Variants in SLC24A2 observed in about 807,000 individuals in gnomAD.
The protein encoded by SLC24A2 is solute carrier family 24 member 2, also known as sodium/potassium/calcium exchanger 2.
In SLC24A2, 36 loss-of-function variants were observed where a neutral mutation model predicts 62.0. That is an observed-to-expected ratio of 0.58 (90% CI 0.44 to 0.77). The LOEUF is 0.77. SLC24A2 is among the 30% of genes least tolerant of loss of function. The pLI, the probability that SLC24A2 is intolerant of heterozygous loss-of-function variation, is 0.00. For missense variants in SLC24A2, 846 were observed against 817.9 expected, an observed-to-expected ratio of 1.03 and a Z score of -0.42; for synonymous variants, 358 against 294.0, an observed-to-expected ratio of 1.22 and a Z score of -2.23.
In SLC24A2 at chr9:19,597,294, T is replaced by C. The variant is rs767923432; in HGVS notation, c.1079-15A>G. 12 of 1,517,374 alleles carry C rather than the reference T, an allele frequency of 7.9e-6. No individual in the cohort carries two copies. Among genetic ancestry groups the C allele is most frequent in the Non-Finnish European group, 1.1e-5 (12 of 1,092,128 alleles). 94.0% of individuals were successfully genotyped at this position (1,517,374 alleles called of 1,614,324 possible). On this transcript the variant is annotated splice_polypyrimidine_tract_variant and intron_variant, in intron 4 of 10. Transcript: ENST00000341998. ...TGATCCAAGTTCTACAACATCACAG[T>C]AAAAGACACAAAGATAAGGAACGAG...
chr9:20,202,084 T>TGA, the SLC24A2 span, among the ~76,000 whole-genome samples: 1 of 150,614 alleles, frequency 6.6e-6, no homozygotes, highest in Non-Finnish European at 1.5e-5. Context: ...TGTGTGTGTG[T>TGA]GTGTGTGTGT....
chr9:19,873,261 T>G, the SLC24A2 span, among the ~76,000 whole-genome samples: 2 of 151,940 alleles, frequency 1.3e-5, no homozygotes. Context: ...TTTCTTCTTT[T>G]TCTTTCTTTT....
intron 2 of SLC24A2, among the ~76,000 whole-genome samples, chr9:19,687,650 G>A (rs983626521): frequency 6.6e-5 from 10 of 151,996 alleles, no homozygotes; most frequent in African/African-American, 1.2e-4. Flanking sequence ...TCCTGTTTGG[G>A]GTTTTACCTT....
At chr9:20,125,800 C>T in the SLC24A2 span, among the ~76,000 whole-genome samples, 1 of 152,160 alleles carries the variant, frequency 6.6e-6, no homozygotes. Flanking sequence ...AAAGCTCCCT[C>T]CATGGGTGTG....
intron 2 of SLC24A2, among the ~76,000 whole-genome samples, chr9:19,715,407 A>C (rs2118619582): frequency 6.6e-6 from 1 of 152,298 alleles, no homozygotes; most frequent in Admixed American, 6.5e-5. Flanking sequence ...CTCAAGTAGG[A>C]CTCAGGTTTG....
intron 4 of SLC24A2, among the ~76,000 whole-genome samples, chr9:19,618,800 A>G (rs1423269206): frequency 6.6e-6 from 1 of 152,186 alleles, no homozygotes; most frequent in East Asian, 1.9e-4. Context: ...ATGAAGGGAG[A>G]ACATACTTGG....
intron 2 of SLC24A2, among the ~76,000 whole-genome samples, chr9:19,673,494 G>T (rs955317637): frequency 4.0e-5 from 6 of 151,892 alleles, no homozygotes; most frequent in Admixed American, 2.0e-4. Context: ...TGTCCTTCAG[G>T]CTGGAGTGCA....
At chr9:19,837,779 C>G in the SLC24A2 span, among the ~76,000 whole-genome samples, 16 of 152,018 alleles carry the variant, frequency 1.1e-4, no homozygotes, top group Middle Eastern at 3.4e-3. Flanking sequence ...CAATAACAGA[C>G]AAACAGAGAG....
the SLC24A2 span, among the ~76,000 whole-genome samples, chr9:20,051,453 G>A: frequency 6.6e-6 from 1 of 151,820 alleles, no homozygotes; most frequent in Non-Finnish European, 1.5e-5. Context: ...ATATCAGCAT[G>A]GATAGATAAG....
the SLC24A2 span, among the ~76,000 whole-genome samples, chr9:20,229,453 C>G: frequency 6.6e-6 from 1 of 152,152 alleles, no homozygotes; most frequent in Admixed American, 6.5e-5. Flanking sequence ...TGTGTACAAG[C>G]TTTTACTTGT....
At chr9:19,878,109 A>G in the SLC24A2 span, among the ~76,000 whole-genome samples, 7 of 152,188 alleles carry the variant, frequency 4.6e-5, no homozygotes, top group African/African-American at 1.4e-4. Flanking sequence ...TCAAGGGACA[A>G]CAACACCTAC....
intron 7 of SLC24A2, among the ~76,000 whole-genome samples, chr9:19,556,196 GCAT>G (rs1835079397): frequency 6.6e-6 from 1 of 152,174 alleles, no homozygotes; most frequent in African/African-American, 2.4e-5. Context: ...GATGCTCATA[GCAT>G]CATGATAATC....
the SLC24A2 span, among the ~76,000 whole-genome samples, chr9:20,100,204 G>GT: frequency 4.5e-4 from 68 of 151,324 alleles, no homozygotes; most frequent in East Asian, 1.4e-3. Context: ...GTTTTTGTTT[G>GT]TTTTTTTTGT....
At chr9:20,024,736 G>C in the SLC24A2 span, among the ~76,000 whole-genome samples, 3 of 152,116 alleles carry the variant, frequency 2.0e-5, no homozygotes, top group Non-Finnish European at 4.4e-5. Flanking sequence ...ACTGATTTTA[G>C]TTACTACAAA....
the SLC24A2 span, among the ~76,000 whole-genome samples, chr9:20,216,244 A>G: frequency 1.3e-5 from 2 of 152,218 alleles, no homozygotes; most frequent in South Asian, 2.1e-4. Flanking sequence ...TGTGTGCTGC[A>G]TTAGAGAAAT....
At chr9:19,663,348 G>A (rs1008273267) in intron 2 of SLC24A2, among the ~76,000 whole-genome samples, 5 of 152,154 alleles carry the variant, frequency 3.3e-5, no homozygotes, top group South Asian at 4.1e-4. Context: ...GAAGCCTTCC[G>A]ATCGCTTCAA....
At chr9:20,087,502 C>T in the SLC24A2 span, among the ~76,000 whole-genome samples, 1 of 152,132 alleles carries the variant, frequency 6.6e-6, no homozygotes, top group Non-Finnish European at 1.5e-5. Flanking sequence ...AATCTGCTCT[C>T]AAAGTATAGA....
chr9:19,561,075 G>GTA (rs1397673114), intron 7 of SLC24A2, among the ~76,000 whole-genome samples: 1 of 151,366 alleles, frequency 6.6e-6, no homozygotes, highest in East Asian at 2.0e-4. Flanking sequence ...ACAGGTGCCA[G>GTA]CCACCACACC....
intron 2 of SLC24A2, among the ~76,000 whole-genome samples, chr9:19,782,110 C>A (rs1318218670): frequency 6.6e-6 from 1 of 152,208 alleles, no homozygotes; most frequent in Non-Finnish European, 1.5e-5. Flanking sequence ...ACCAGGCCAA[C>A]TTGCTGTCAG....
Sources: gnomAD v4.1 joint callset for allele counts (sites outside exome capture counted in the v4.1 genomes callset) on GRCh38, gnomAD v4.1.1 for gene constraint, MANE v1.5 for transcripts, NCBI Gene and HGNC (gene_info 2026-07-23, HGNC 2026-07-21) for gene names.